The following CDH13 variants were observed in gnomAD, a reference collection of about 807,000 sequenced individuals.
CDH13 encodes cadherin-13.
CDH13 carries 24 observed loss-of-function variants against 63.8 expected under a neutral mutation model. The observed-to-expected ratio is 0.38, with a 90% confidence interval of 0.27 to 0.53. The LOEUF is 0.53. Ranked by LOEUF, CDH13 falls within the 20% of genes least tolerant of loss-of-function variation. The probability of loss-of-function intolerance (pLI) is 0.85; values close to 1 mark genes in which losing one functional copy is unlikely to be tolerated. For missense variants in CDH13, 1,049 were observed against 903.1 expected, an observed-to-expected ratio of 1.16 and a Z score of -2.07; for synonymous variants, 503 against 355.3, an observed-to-expected ratio of 1.42 and a Z score of -4.67.
At position 82,873,605 on chromosome 16, in the gene CDH13, C is replaced by T. The variant is rs149107511; in HGVS notation, c.157+15132C>T. ...ACTTCCAGCTCCTAATTTTTCTCAT[C>T]TGTGAAATGGAGATAGTATTTCAAG... On this transcript the variant is annotated intron_variant, in intron 2 of 13. Coordinates refer to ENST00000567109, the MANE Select transcript of CDH13 (RefSeq NM_001257.5). Among the ~76,000 whole-genome samples, 462 of 152,294 alleles carry T rather than the reference C, an allele frequency of 3.0e-3. 3 individuals carry two copies. The highest frequency in any genetic ancestry group is 9.9e-3 in the African/African-American group (412 of 41,566).
rs374689405 is a variant in CDH13, at chr16:83,004,632, G to T, written c.158-27378G>T. On this transcript the variant is annotated intron_variant, in intron 2 of 13. Transcript: ENST00000567109. ...CGTGCCTCAGCTTCCCAAGCAGCTAGGACTACAGGTGCCCGCCACCACACC... is the reference window on the plus strand; with the variant it reads ...CGTGCCTCAGCTTCCCAAGCAGCTATGACTACAGGTGCCCGCCACCACACC... 2.8e-3 allele frequency among the ~76,000 whole-genome samples: 432 copies of T among 152,166 alleles called. 3 individuals are homozygous for T. The Middle Eastern group carries it at 0.034, about 12-fold the overall frequency.
At chr16:82,896,239 T>C (rs560434460) in intron 2 of CDH13, among the ~76,000 whole-genome samples, 2 of 150,968 alleles carry the variant, frequency 1.3e-5, no homozygotes, top group East Asian at 3.9e-4. Context: ...ATATTGCAGA[T>C]TGAGATAGTC....
chr16:82,963,714 T>A (rs901227402), intron 2 of CDH13, among the ~76,000 whole-genome samples: 1 of 152,170 alleles, frequency 6.6e-6, no homozygotes, highest in African/African-American at 2.4e-5. Context: ...ATTCCCAGTG[T>A]ACAGTAAGCA....
intron 1 of CDH13, among the ~76,000 whole-genome samples, chr16:82,641,793 A>T (rs933155938): frequency 1.3e-5 from 2 of 152,208 alleles, no homozygotes; most frequent in African/African-American, 4.8e-5. Flanking sequence ...AGAAATGAGT[A>T]AGACAGGCCA....
chr16:83,320,943 T>A (rs767538076), intron 5 of CDH13, among the ~76,000 whole-genome samples: 1 of 152,208 alleles, frequency 6.6e-6, no homozygotes, highest in Non-Finnish European at 1.5e-5. Context: ...AAAATCTTAG[T>A]CTGAATGTGA....
intron 1 of CDH13, among the ~76,000 whole-genome samples, chr16:82,796,497 C>A (rs759485551): frequency 6.6e-6 from 1 of 152,186 alleles, no homozygotes; most frequent in Non-Finnish European, 1.5e-5. Context: ...AGGGTGGACC[C>A]CACCATCGTG....
intron 6 of CDH13, among the ~76,000 whole-genome samples, chr16:83,364,057 A>C (rs887715739): frequency 6.6e-6 from 1 of 152,206 alleles, no homozygotes; most frequent in African/African-American, 2.4e-5. Context: ...GCCGATACTC[A>C]AAGAATAAAA....
At chr16:83,148,824 A>C (rs1186312993) in intron 4 of CDH13, among the ~76,000 whole-genome samples, 1 of 152,134 alleles carries the variant, frequency 6.6e-6, no homozygotes, top group African/African-American at 2.4e-5. Flanking sequence ...ACTCATTCAA[A>C]AATATTTACT....
chr16:83,019,270 C>T (rs1427777885), intron 2 of CDH13, among the ~76,000 whole-genome samples: 1 of 151,932 alleles, frequency 6.6e-6, no homozygotes, highest in Non-Finnish European at 1.5e-5. Flanking sequence ...TTCTTTTTCA[C>T]TTGTTGAACT....
intron 8 of CDH13, among the ~76,000 whole-genome samples, chr16:83,624,878 A>G (rs928991965): frequency 2.1e-4 from 32 of 152,216 alleles, no homozygotes; most frequent in Admixed American, 2.1e-3. Context: ...AAACAGAACC[A>G]GTTCCCTTGA....
chr16:83,636,447 C>G (rs1298406195), intron 8 of CDH13, among the ~76,000 whole-genome samples: 1 of 152,168 alleles, frequency 6.6e-6, no homozygotes, highest in African/African-American at 2.4e-5. Context: ...TCCCTCCCCA[C>G]TTTTGGAGCC....
intron 7 of CDH13, among the ~76,000 whole-genome samples, chr16:83,591,645 C>T (rs1287265651): frequency 6.6e-6 from 1 of 152,210 alleles, no homozygotes; most frequent in Non-Finnish European, 1.5e-5. Context: ...TCCCCTCACA[C>T]CCATCCTTCA....
At chr16:83,391,804 T>C (rs2091792044) in intron 6 of CDH13, among the ~76,000 whole-genome samples, 1 of 152,186 alleles carries the variant, frequency 6.6e-6, no homozygotes, top group East Asian at 1.9e-4. Flanking sequence ...AAAAACAAGA[T>C]CACCTCTTTT....
intron 3 of CDH13, among the ~76,000 whole-genome samples, chr16:83,040,793 G>A (rs1229066178): frequency 6.6e-6 from 1 of 152,198 alleles, no homozygotes; most frequent in African/African-American, 2.4e-5. Flanking sequence ...ACTTGGGACA[G>A]TCAGTGTCTC....
chr16:82,780,984 G>A (rs1842760038), intron 1 of CDH13, among the ~76,000 whole-genome samples: 1 of 152,262 alleles, frequency 6.6e-6, no homozygotes, highest in Non-Finnish European at 1.5e-5. Context: ...ATTTGGGGTA[G>A]CTGTCCTCTT....
chr16:83,253,630 T>A (rs1324752605), intron 5 of CDH13, among the ~76,000 whole-genome samples: 1 of 152,208 alleles, frequency 6.6e-6, no homozygotes, highest in African/African-American at 2.4e-5. Context: ...CCAGGTGTCA[T>A]TTTGCTAGGG....
chr16:83,046,159 C>A (rs1041209381), intron 3 of CDH13, among the ~76,000 whole-genome samples: 3 of 152,150 alleles, frequency 2.0e-5, no homozygotes, highest in African/African-American at 7.2e-5. Context: ...TAAATAGAAA[C>A]CTCTTTTCCT....
At chr16:83,495,894 G>A (rs1326865166) in intron 7 of CDH13, among the ~76,000 whole-genome samples, 4 of 152,070 alleles carry the variant, frequency 2.6e-5, no homozygotes. Flanking sequence ...AATCATGAGT[G>A]AACTCCCATT....
At chr16:83,046,881 T>G (rs937738928) in intron 3 of CDH13, among the ~76,000 whole-genome samples, 4 of 152,170 alleles carry the variant, frequency 2.6e-5, no homozygotes, top group Admixed American at 6.5e-5. Context: ...TTCTGTCTTC[T>G]GCCAATCAGA....
Sources: allele counts gnomAD v4.1 joint callset (sites outside exome capture counted in the v4.1 genomes callset), GRCh38; gene constraint gnomAD v4.1.1; transcripts MANE v1.5; gene names NCBI Gene and HGNC (gene_info 2026-07-23, HGNC 2026-07-21).